The following GRK5 variants were observed in gnomAD, a reference collection of about 807,000 sequenced individuals.
The protein encoded by GRK5 is G protein-coupled receptor kinase 5.
In GRK5, 40 loss-of-function variants were observed where a neutral mutation model predicts 78.4. The observed-to-expected ratio is 0.51, with a 90% confidence interval of 0.40 to 0.66. GRK5 has a LOEUF of 0.66. Ranked by LOEUF, GRK5 falls within the 30% of genes least tolerant of loss-of-function variation. GRK5 has a pLI of 0.00. For synonymous variants in GRK5, 289 were observed against 296.8 expected (o/e 0.97, Z 0.27); for missense variants, 598 against 759.9 (o/e 0.79, Z 2.50).
At chr10:119,446,395 G>A (rs1319418694) in intron 12 of GRK5, among the ~76,000 whole-genome samples, 1 of 152,198 alleles carries the variant, frequency 6.6e-6, no homozygotes, top group East Asian at 1.9e-4. Context: ...CTCTTGAAAA[G>A]CAGAAGCCCC....
intron 2 of GRK5, 129 bp from the exon 3 acceptor site, chr10:119,380,686 G>T (rs574349405): frequency 8.3e-6 from 5 of 602,158 alleles, no homozygotes; most frequent in East Asian, 2.7e-5. Flanking sequence ...AATGAAGAAG[G>T]CGTTCTGAGA....
At chr10:119,268,395 C>T (rs762825141) in intron 1 of GRK5, among the ~76,000 whole-genome samples, 3 of 152,224 alleles carry the variant, frequency 2.0e-5, no homozygotes, top group East Asian at 1.9e-4. Flanking sequence ...TGGGCAGCCC[C>T]GTTGGTTTCA....
rs1010954932 is a variant in GRK5, at chr10:119,456,067, A to C, written c.*1000A>C. 4.5e-4 allele frequency: 68 copies of C among 152,302 alleles called. 1 individual carries two copies. The allele number at this position is 152,302 out of a possible 1,614,324, so 9.4% of individuals were successfully genotyped here. On this transcript the variant is annotated 3_prime_UTR_variant, in exon 16 of 16. Transcript: ENST00000392870. This position sits in a 1 kb window ranked among gnomAD's most constrained non-coding sequence, Gnocchi z 5.5. ...GTCCCAAAGCCTCGGGGCCCACAGG[A>C]GCATCGGGAAGTGAGGCAGTGCGCT...
intron 1 of GRK5, among the ~76,000 whole-genome samples, chr10:119,303,376 G>C (rs1282734828): frequency 6.6e-6 from 1 of 152,162 alleles, no homozygotes; most frequent in African/African-American, 2.4e-5. Flanking sequence ...GAGCCTCCAA[G>C]TGTGGGTGTG....
chr10:119,283,309 A>C (rs1440724144), intron 1 of GRK5, among the ~76,000 whole-genome samples: 1 of 152,186 alleles, frequency 6.6e-6, no homozygotes, highest in Non-Finnish European at 1.5e-5. Context: ...CCAGCCCTGC[A>C]GCTCAACATG....
chr10:119,436,892 C>A, intron 9 of GRK5, 51 bp downstream of exon 9: 1 of 1,504,112 alleles, frequency 6.6e-7, no homozygotes, highest in Non-Finnish European at 9.0e-7. Flanking sequence ...GGGGGTGGGG[C>A]CAGCCCCTCC....
chr10:119,299,337 G>A (rs940365594), intron 1 of GRK5, among the ~76,000 whole-genome samples: 1 of 151,866 alleles, frequency 6.6e-6, no homozygotes, highest in African/African-American at 2.4e-5. Context: ...CCAGGCTGAG[G>A]CAGGAAAATC....
chr10:119,255,688 CCT>C (rs1265629027), intron 1 of GRK5, among the ~76,000 whole-genome samples: 1 of 152,220 alleles, frequency 6.6e-6, no homozygotes, highest in Non-Finnish European at 1.5e-5. Flanking sequence ...CCTGCTGCCC[CCT>C]GTCCTGGTGT....
At chr10:119,365,128 A>G (rs291969) in intron 2 of GRK5, among the ~76,000 whole-genome samples, 152,209 of 152,296 alleles carry the variant, frequency 1, 76,061 homozygotes, top group Non-Finnish European at 1. Context: ...ACAGTTATGA[A>G]ATATGTGGGA....
Position 119,378,375 on chromosome 10 carries a change from A to T in GRK5, c.149-2440A>T, listed in dbSNP as rs1851657523. Among the ~76,000 whole-genome samples the T allele has an allele frequency of 6.6e-6, 1 of 152,214 alleles. No homozygotes were observed. Among genetic ancestry groups the T allele is most frequent in the Non-Finnish European group, 1.5e-5 (1 of 68,030 alleles). ...CAAAACCATTTGAGAGTGGGCCAAGAGGGGACTTGGCAGGTTGCTCATCCA... is the reference window on the plus strand; with the variant it reads ...CAAAACCATTTGAGAGTGGGCCAAGTGGGGACTTGGCAGGTTGCTCATCCA... On this transcript the variant is annotated intron_variant, in intron 2 of 15. Coordinates refer to ENST00000392870, the MANE Select transcript of GRK5 (RefSeq NM_005308.3). The surrounding 1 kb of genome is among the most constrained non-coding windows in gnomAD (Gnocchi z 4.5).
At chr10:119,258,633 G>C (rs939098581) in intron 1 of GRK5, among the ~76,000 whole-genome samples, 56 of 152,304 alleles carry the variant, frequency 3.7e-4, no homozygotes, top group Non-Finnish European at 6.6e-4. Context: ...TAATTGCAAG[G>C]AACAAAGACT....
chr10:119,319,482 G>A (rs1850548326), intron 1 of GRK5, among the ~76,000 whole-genome samples: 1 of 152,230 alleles, frequency 6.6e-6, no homozygotes, highest in Non-Finnish European at 1.5e-5. Flanking sequence ...TTGCCTGGCG[G>A]GGCAACCCTT....
At chr10:119,219,011 C>T (rs1040236155) in intron 1 of GRK5, among the ~76,000 whole-genome samples, 16 of 149,694 alleles carry the variant, frequency 1.1e-4, no homozygotes, top group African/African-American at 4.1e-4. Flanking sequence ...GATTCTCCTG[C>T]CTCAGTCTCC....
At position 119,455,524 on chromosome 10, in the gene GRK5, C is replaced by T. The variant is rs1001895169; in HGVS notation, c.*457C>T. The T allele has an allele frequency of 5.5e-5, 15 of 273,092 alleles. No individual in the cohort carries two copies. The highest frequency in any genetic ancestry group is 2.1e-4 in the African/African-American group (9 of 42,194). The allele number at this position is 273,092 out of a possible 1,614,324, so 16.9% of individuals were successfully genotyped here. On this transcript the variant is annotated 3_prime_UTR_variant, in exon 16 of 16. Transcript: ENST00000392870. Reference sequence around the variant, plus strand: ...AGCCATGTGTTCCAAGGCATTTTAGCGGGGAGGGGGTTATCAAAAAAAAAA... The same window carrying T: ...AGCCATGTGTTCCAAGGCATTTTAGTGGGGAGGGGGTTATCAAAAAAAAAA...
chr10:119,392,167 A>G (rs1193291355), intron 3 of GRK5, among the ~76,000 whole-genome samples: 2 of 152,122 alleles, frequency 1.3e-5, no homozygotes, highest in Non-Finnish European at 2.9e-5. Flanking sequence ...TTAGGGCTAT[A>G]AACTAAGATG....
chr10:119,230,340 G>T (rs1006646236), intron 1 of GRK5, among the ~76,000 whole-genome samples: 2 of 152,066 alleles, frequency 1.3e-5, no homozygotes, highest in Non-Finnish European at 2.9e-5. Context: ...TCACACTACT[G>T]ATAAAGACAT....
rs118023719 is a variant in GRK5 at position 119,298,842 on chromosome 10, C to A, written c.53-27674C>A. On this transcript the variant is annotated intron_variant, in intron 1 of 15. Transcript: ENST00000392870. ...CCCTCTGCCAGGAATTCCATTTACC[C>A]CCCAGCCACATCCCCCACTCCTGGC... Among the ~76,000 whole-genome samples, 36 of 152,248 alleles carry A rather than the reference C, an allele frequency of 2.4e-4. No homozygotes were observed. In the East Asian group the frequency reaches 7.0e-3, roughly 29 times the overall value.
chr10:119,261,347 C>T (rs1404005076), intron 1 of GRK5, among the ~76,000 whole-genome samples: 5 of 146,948 alleles, frequency 3.4e-5, no homozygotes, highest in Non-Finnish European at 6.0e-5. Context: ...GGATGGCGGC[C>T]GGGAAGAGGC....
chr10:119,235,195 G>T (rs1315100171), intron 1 of GRK5, among the ~76,000 whole-genome samples: 1 of 151,772 alleles, frequency 6.6e-6, no homozygotes, highest in Non-Finnish European at 1.5e-5. Context: ...TGTTGCCCAG[G>T]CTGGGATAAG....
Sources: allele counts gnomAD v4.1 joint callset (sites outside exome capture counted in the v4.1 genomes callset), GRCh38; gene constraint gnomAD v4.1.1; non-coding constraint Gnocchi (gnomAD v3.1); transcripts MANE v1.5; gene names NCBI Gene and HGNC (gene_info 2026-07-23, HGNC 2026-07-21).